Variants in RORA observed in about 807,000 individuals in gnomAD.
RORA encodes the protein nuclear receptor ROR-alpha.
Under a neutral mutation model 69.5 loss-of-function variants are expected in RORA, and 7 were observed. That is an observed-to-expected ratio of 0.10 (90% CI 0.06 to 0.19). The LOEUF (loss-of-function observed/expected upper bound fraction) is 0.19, where lower values mean the gene tolerates loss of function less well. Ranked by LOEUF, RORA falls within the 10% of genes least tolerant of loss-of-function variation. The pLI, the probability that RORA is intolerant of heterozygous loss-of-function variation, is 1.00. For synonymous variants in RORA, 261 were observed against 240.8 expected (o/e 1.08, Z -0.78); for missense variants, 457 against 663.0 (o/e 0.69, Z 3.41).
intron 1 of RORA, among the ~76,000 whole-genome samples, chr15:61,055,333 G>A (rs183119212): frequency 2.0e-4 from 31 of 152,176 alleles, no homozygotes; most frequent in Non-Finnish European, 3.2e-4. Context: ...ACTCTTCATC[G>A]CAGCAGTTCC....
intron 1 of RORA, among the ~76,000 whole-genome samples, chr15:60,815,398 G>A (rs573235527): frequency 1.2e-4 from 19 of 152,170 alleles, no homozygotes; most frequent in South Asian, 6.2e-4. Flanking sequence ...AAACTAGTCC[G>A]TTTAAACCCT....
At chr15:60,784,070 G>C (rs567370075) in intron 1 of RORA, among the ~76,000 whole-genome samples, 1 of 152,314 alleles carries the variant, frequency 6.6e-6, no homozygotes, top group South Asian at 2.1e-4. Context: ...GTTCTCACTG[G>C]TCTGTATCTA....
chr15:60,996,644 C>A lies in RORA; in HGVS notation c.166+232409G>T, dbSNP rs558043599. 5.9e-5 allele frequency among the ~76,000 whole-genome samples: 9 copies of A among 152,312 alleles called. No individual in the cohort carries two copies. The East Asian group carries it at 1.7e-3, about 29-fold the overall frequency. On this transcript the variant is annotated intron_variant, in intron 1 of 10. Transcript: ENST00000335670. Reference sequence around the variant, plus strand: ...AATATCTTCAGGCCGGGCACGATGGCTCACACCTGTAATCCCAGCACTTTA... The same window carrying A: ...AATATCTTCAGGCCGGGCACGATGGATCACACCTGTAATCCCAGCACTTTA...
chr15:60,948,316 G>A (rs1892965144), intron 1 of RORA, among the ~76,000 whole-genome samples: 1 of 151,624 alleles, frequency 6.6e-6, no homozygotes, highest in Admixed American at 6.6e-5. Context: ...GCTTTTTCTG[G>A]TGATGCAAAT....
chr15:60,861,242 G>A (rs1328062114), intron 1 of RORA, among the ~76,000 whole-genome samples: 1 of 152,128 alleles, frequency 6.6e-6, no homozygotes, highest in Non-Finnish European at 1.5e-5. Context: ...AGGAGAGGTG[G>A]CTTAATGTCA....
At chr15:60,666,852 C>T (rs339972) in intron 2 of RORA, among the ~76,000 whole-genome samples, 117,734 of 152,128 alleles carry the variant, frequency 0.77, 45,996 homozygotes, top group East Asian at 1. Flanking sequence ...TAAAAGGCCT[C>T]GAATGCCATA....
chr15:60,941,194 C>A (rs1480330080), intron 1 of RORA, among the ~76,000 whole-genome samples: 1 of 152,150 alleles, frequency 6.6e-6, no homozygotes, highest in Non-Finnish European at 1.5e-5. Flanking sequence ...ATGGAAAAGC[C>A]TTGTCAGTTG....
At chr15:60,561,645 A>G (rs1180398477) in intron 2 of RORA, among the ~76,000 whole-genome samples, 1 of 152,150 alleles carries the variant, frequency 6.6e-6, no homozygotes, top group Non-Finnish European at 1.5e-5. Context: ...CAAAATACCA[A>G]TACATTTTGT....
Position 61,136,695 on chromosome 15 carries a change from G to A in RORA, c.166+92358C>T, listed in dbSNP as rs531744584. The stretch of plus-strand genomic sequence containing the variant: ...AATCAGTATAATTCAGAGTTACTGG[G>A]ACTCATGAACCAACTCAAGGCTTGA... On this transcript the variant is annotated intron_variant, in intron 1 of 10. Coordinates refer to ENST00000335670, the MANE Select transcript of RORA (RefSeq NM_134261.3). 1.6e-4 allele frequency among the ~76,000 whole-genome samples: 24 copies of A among 152,182 alleles called. No individual in the cohort carries two copies. The South Asian group carries it at 3.5e-3, about 22-fold the overall frequency.
At chr15:61,097,626 T>A (rs1205844893) in intron 1 of RORA, among the ~76,000 whole-genome samples, 2 of 152,142 alleles carry the variant, frequency 1.3e-5, no homozygotes, top group African/African-American at 2.4e-5. Context: ...GTGGATAAAA[T>A]AAAGTTCTCA....
chr15:61,173,807 G>T (rs1027020074), intron 1 of RORA, among the ~76,000 whole-genome samples: 4 of 152,018 alleles, frequency 2.6e-5, no homozygotes, highest in Non-Finnish European at 5.9e-5. Flanking sequence ...AGGCATGTGG[G>T]GCCTGTGCCA....
rs142623071 is a variant in RORA, at chr15:61,079,319, A to G, written c.166+149734T>C. ...TAACAGTGATACTATTAATAGATCA[A>G]TTAAGGAGATTTAAATCACTTATTT... is the stretch of plus-strand genomic sequence containing the variant. On this transcript the variant is annotated intron_variant, in intron 1 of 10. Transcript: ENST00000335670. Among the ~76,000 whole-genome samples the G allele has an allele frequency of 2.9e-3, 435 of 152,346 alleles. 1 individual carries two copies. The highest frequency in any genetic ancestry group is 0.01 in the African/African-American group (416 of 41,588).
rs978094818 is a variant in RORA at position 60,970,198 on chromosome 15, T to C, written c.166+258855A>G. On this transcript the variant is annotated intron_variant, in intron 1 of 10. Transcript: ENST00000335670. Reference sequence around the variant, plus strand: ...TGGCTGTTGTTTAAGCCACTCAGTCTATGGTATTTCCCATCTGTAAAATGG... The same window carrying C: ...TGGCTGTTGTTTAAGCCACTCAGTCCATGGTATTTCCCATCTGTAAAATGG... 3.9e-5 allele frequency among the ~76,000 whole-genome samples: 6 copies of C among 152,356 alleles called. No individual in the cohort carries two copies. The East Asian group carries it at 7.7e-4, about 20-fold the overall frequency.
At chr15:61,114,160 T>C (rs1242856076) in intron 1 of RORA, among the ~76,000 whole-genome samples, 1 of 152,188 alleles carries the variant, frequency 6.6e-6, no homozygotes, top group African/African-American at 2.4e-5. Context: ...CAGAGGGAAC[T>C]GGAGAGACTT....
intron 1 of RORA, among the ~76,000 whole-genome samples, chr15:60,781,982 T>G (rs2072267544): frequency 6.6e-6 from 1 of 152,216 alleles, no homozygotes; most frequent in Admixed American, 6.5e-5. Context: ...ATCCCAGCAC[T>G]CTGGGAGGCC....
chr15:60,626,693 C>T (rs1367945976), intron 2 of RORA, among the ~76,000 whole-genome samples: 1 of 152,036 alleles, frequency 6.6e-6, no homozygotes, highest in Non-Finnish European at 1.5e-5. Flanking sequence ...GGGTGGGCCG[C>T]ACAGAAACAG....
intron 2 of RORA, among the ~76,000 whole-genome samples, chr15:60,622,133 T>G (rs1262383485): frequency 7.8e-6 from 1 of 128,624 alleles, no homozygotes; most frequent in Non-Finnish European, 1.6e-5. Flanking sequence ...ATAACAGTAT[T>G]TATACATGGG....
chr15:60,682,990 A>G (rs780329530), intron 1 of RORA, among the ~76,000 whole-genome samples: 2 of 152,164 alleles, frequency 1.3e-5, no homozygotes, highest in Admixed American at 6.5e-5. Context: ...TAGTTTTCTT[A>G]TATGCAGAAT....
intron 1 of RORA, among the ~76,000 whole-genome samples, chr15:60,899,659 C>T (rs1445173430): frequency 6.6e-6 from 1 of 152,214 alleles, no homozygotes; most frequent in Non-Finnish European, 1.5e-5. Flanking sequence ...CAGCAAAAAG[C>T]CTTTTCACCA....
Sources: allele counts gnomAD v4.1 joint callset (sites outside exome capture counted in the v4.1 genomes callset), GRCh38; gene constraint gnomAD v4.1.1; transcripts MANE v1.5; gene names NCBI Gene and HGNC (gene_info 2026-07-23, HGNC 2026-07-21).